Variants in CFAP298 observed in about 807,000 individuals in gnomAD.
CFAP298 encodes the protein cilia and flagella associated protein 298.
Under a neutral mutation model 41.0 loss-of-function variants are expected in CFAP298, and 38 were observed. The observed-to-expected ratio is 0.93, with a 90% CI of 0.72 to 1.22. The LOEUF (loss-of-function observed/expected upper bound fraction) is 1.22. Ranked by LOEUF, CFAP298 falls within the 50% of genes most tolerant of loss-of-function variation. The probability of loss-of-function intolerance (pLI) is 0.00; values close to 1 mark genes in which losing one functional copy is unlikely to be tolerated. For missense variants in CFAP298, 348 were observed against 360.3 expected (o/e 0.97, Z 0.28); for synonymous variants, 137 against 135.3 (o/e 1.01, Z -0.09).
Position 32,603,266 on chromosome 21 carries a change from T to C in CFAP298, c.561A>G (p.Ala187=), listed in dbSNP as rs1408559966. The C allele has an allele frequency of 3.7e-6, 6 of 1,614,202 alleles. No homozygotes were observed. The highest frequency in any genetic ancestry group is 3.4e-6 in the Non-Finnish European group (4 of 1,180,032). The change falls in exon 5 of 7, where the codon GCA becomes GCG. Residue 187 remains alanine (A), a synonymous_variant. Coordinates refer to ENST00000290155, the MANE Select transcript of CFAP298 (RefSeq NM_021254.4). ...TGGCTGCCCACCACAGCTGCGCCTC[T>C]GCCTCTTTAATGACGTTGAGCCCTG... ...TQAGLNVIKE[A]EAQLWWAAKE... is the part of the protein sequence containing the mutation.
chr21:32,603,389 TC>T, intron 4 of CFAP298, 97 bp from the exon 5 acceptor site: 2 of 1,350,676 alleles, frequency 1.5e-6, no homozygotes, highest in Non-Finnish European at 1.0e-6. Context: ...GACAGATTTC[TC>T]CCCGTGCTCA....
chr21:32,602,180 G>T, intron 6 of CFAP298, 92 bp downstream of exon 6: 2 of 1,276,238 alleles, frequency 1.6e-6, no homozygotes, highest in Non-Finnish European at 1.1e-6. Context: ...CCGGCATTCT[G>T]CAGAGCTCAC....
Position 32,601,887 on chromosome 21 carries a change from T to A in CFAP298, c.849A>T (p.Lys283Asn). 5.6e-6 allele frequency: 9 copies of A among 1,610,592 alleles called. No individual in the cohort carries two copies. The highest frequency in any genetic ancestry group is 7.6e-6 in the Non-Finnish European group (9 of 1,176,874). Residue 283 changes from lysine (K) to asparagine (N), a missense_variant, in exon 7 of 7, where the codon AAA becomes AAT. By Grantham distance (94) the Lys-to-Asn change is moderately conservative. Coordinates refer to ENST00000290155, the MANE Select transcript of CFAP298 (RefSeq NM_021254.4). ...TALKRHFHGV[K>N]DIKWRPR ...TTCATCTTGGTCTCCACTTTATGTC[T>A]TTCACTCCATGAAAATGTCTTTTCA... is the stretch of plus-strand genomic sequence containing the variant.
chr21:32,606,857 C>T (rs2038876714), intron 3 of CFAP298, among the ~76,000 whole-genome samples: 3 of 152,204 alleles, frequency 2.0e-5, no homozygotes, highest in Non-Finnish European at 2.9e-5. Flanking sequence ...CCTCCAGATA[C>T]ACATTATCTG....
At chr21:32,610,077 G>A in intron 1 of CFAP298, 72 bp from the exon 2 acceptor site, 1 of 1,370,238 alleles carries the variant, frequency 7.3e-7, no homozygotes, top group Non-Finnish European at 1.0e-6. Context: ...GCTCCAAAGA[G>A]TCAGGGGTCT....
chr21:32,602,706 T>C lies in CFAP298; in HGVS notation c.667-339A>G, dbSNP rs554928373. 9.7e-6 allele frequency: 12 copies of C among 1,240,410 alleles called. No homozygotes were observed. The East Asian group carries it at 5.0e-4, about 52-fold the overall frequency. 76.8% of individuals were successfully genotyped at this position (1,240,410 alleles called of 1,614,324 possible). A position where few individuals can be genotyped will look rare whatever the true frequency, so the allele number is the denominator to read the frequency against. On this transcript the variant is annotated intron_variant, in intron 5 of 6. Transcript: ENST00000290155. ...GGTGGAGGGCCCCATTTCCCCAAAATCACAGCCTAGTGACGTAGGAGCACC... is the reference window on the plus strand; with the variant it reads ...GGTGGAGGGCCCCATTTCCCCAAAACCACAGCCTAGTGACGTAGGAGCACC...
intron 4 of CFAP298, 101 bp from the exon 5 acceptor site, chr21:32,603,393 CG>C: frequency 7.6e-7 from 1 of 1,315,598 alleles, no homozygotes; most frequent in Non-Finnish European, 1.1e-6. Context: ...GATTTCTCCC[CG>C]TGCTCACCAT....
In CFAP298 at chr21:32,612,273, A is replaced by C. The variant is rs1035988588; in HGVS notation, c.-30T>G. The C allele has an allele frequency of 1.1e-5, 16 of 1,450,550 alleles. No individual in the cohort carries two copies. In the African/African-American group the frequency reaches 1.8e-4, roughly 16 times the overall value. 89.9% of individuals were successfully genotyped at this position (1,450,550 alleles called of 1,614,324 possible). ...GTCCCGCCGAGGTACTGAGGCGTTG[A>C]GAAGGCCCCGGCTGCGTGGCCCGCG... On this transcript the variant is annotated 5_prime_UTR_variant, in exon 1 of 7. Coordinates refer to ENST00000290155, the MANE Select transcript of CFAP298 (RefSeq NM_021254.4).
At chr21:32,607,752 G>T (rs1169629410) in intron 2 of CFAP298, 36 bp from the exon 3 acceptor site, 1 of 1,309,670 alleles carries the variant, frequency 7.6e-7, no homozygotes, top group Non-Finnish European at 1.1e-6. Flanking sequence ...AGAAAGAGCT[G>T]TCAAATACAA....
In CFAP298 at chr21:32,601,350, G is replaced by C. The variant is rs1601146204; in HGVS notation, c.*513C>G. 7.1e-6 allele frequency among the ~76,000 whole-genome samples: 1 copy of C among 139,956 alleles called. No homozygotes were observed. Among genetic ancestry groups the C allele is most frequent in the South Asian group, 2.3e-4 (1 of 4,368 alleles). The allele number at this position is 139,956 out of a possible 152,430, so 91.8% of individuals were successfully genotyped here. On this transcript the variant is annotated 3_prime_UTR_variant, in exon 7 of 7. Transcript: ENST00000290155. Reference sequence around the variant, plus strand: ...TTCGCTCTGTTGCCCAGGATAGAGTGCAGTGGCAGTGATCTTGGCTCACTG... The same window carrying C: ...TTCGCTCTGTTGCCCAGGATAGAGTCCAGTGGCAGTGATCTTGGCTCACTG...
intron 3 of CFAP298, 90 bp from the exon 4 acceptor site, chr21:32,604,373 TG>T: frequency 7.0e-7 from 1 of 1,420,932 alleles, no homozygotes; most frequent in Non-Finnish European, 9.9e-7. Flanking sequence ...TGCCAGATAC[TG>T]CCAGAGCAAC....
In CFAP298 at chr21:32,601,798, T is replaced by TTA; in HGVS notation, c.*64_*65insTA. The stretch of plus-strand genomic sequence containing the variant: ...CAGTAAGTGGCCTTTTTTTTTTTTT[T>TTA]AAATTATAATTGCCTAGGAGAAAGG... On this transcript the variant is annotated 3_prime_UTR_variant, in exon 7 of 7. Coordinates refer to ENST00000290155, the MANE Select transcript of CFAP298 (RefSeq NM_021254.4). The TTA allele has an allele frequency of 5.0e-6, 4 of 805,974 alleles. No individual in the cohort carries two copies. Among genetic ancestry groups the TTA allele is most frequent in the Admixed American group, 2.3e-5 (1 of 42,868 alleles). 49.9% of individuals were successfully genotyped at this position (805,974 alleles called of 1,614,324 possible). A position where few individuals can be genotyped will look rare whatever the true frequency, so the allele number is the denominator to read the frequency against.
intron 4 of CFAP298, 30 bp downstream of exon 4, chr21:32,604,095 C>T: frequency 5.0e-6 from 8 of 1,603,776 alleles, no homozygotes; most frequent in Non-Finnish European, 6.8e-6. Flanking sequence ...GGAACTCAAC[C>T]TCCAGAGTAC....
At chr21:32,604,016 A>C in intron 4 of CFAP298, 109 bp downstream of exon 4, 1 of 1,110,624 alleles carries the variant, frequency 9.0e-7, no homozygotes, top group Non-Finnish European at 1.3e-6. Context: ...AGCAAACCTG[A>C]AAGCTGTGTA....
Position 32,600,747 on chromosome 21 carries a change from C to T in CFAP298, c.*1116G>A, listed in dbSNP as rs1004710425. Among the ~76,000 whole-genome samples the T allele has an allele frequency of 2.0e-5, 3 of 152,186 alleles. No homozygotes were observed. The highest frequency in any genetic ancestry group is 2.1e-4 in the South Asian group (1 of 4,828). The stretch of plus-strand genomic sequence containing the variant: ...CATCCCGTGGTTGGTCACTGAGCTG[C>T]GTACGAAGCTGGCCTAGAATCAGAC... On this transcript the variant is annotated 3_prime_UTR_variant, in exon 7 of 7. Coordinates refer to ENST00000290155, the MANE Select transcript of CFAP298 (RefSeq NM_021254.4).
rs774885504 is a variant in CFAP298 at position 32,600,364 on chromosome 21, G to C, written c.*1499C>G. On this transcript the variant is annotated 3_prime_UTR_variant, in exon 7 of 7. Coordinates refer to ENST00000290155, the MANE Select transcript of CFAP298 (RefSeq NM_021254.4). ...GTCTGGGACCCACCCCCTGGGCAAGGCCGCCTGGCAGCAGGCAGGAACCAA... is the reference window on the plus strand; with the variant it reads ...GTCTGGGACCCACCCCCTGGGCAAGCCCGCCTGGCAGCAGGCAGGAACCAA... 2.3e-4 allele frequency among the ~76,000 whole-genome samples: 35 copies of C among 152,224 alleles called. No homozygotes were observed. The highest frequency in any genetic ancestry group is 4.6e-4 in the Non-Finnish European group (31 of 68,036).
chr21:32,612,037 T>G, intron 1 of CFAP298, 68 bp downstream of exon 1: 2 of 1,459,060 alleles, frequency 1.4e-6, no homozygotes, highest in Non-Finnish European at 1.8e-6. Context: ...CGGCCCACCC[T>G]GCCCCTCTTT....
chr21:32,602,045 G>C, intron 6 of CFAP298, 72 bp from the exon 7 acceptor site: 1 of 1,045,862 alleles, frequency 9.6e-7, no homozygotes, highest in South Asian at 1.3e-5. Context: ...ACTGAAGAAA[G>C]AGTCCATGAC....
At chr21:32,606,412 G>T (rs544135605) in intron 3 of CFAP298, among the ~76,000 whole-genome samples, 30 of 152,280 alleles carry the variant, frequency 2.0e-4, no homozygotes, top group Admixed American at 5.9e-4. Context: ...ACAGGCAAAG[G>T]GGAGAAGTGA....
Sources: gnomAD v4.1 joint callset for allele counts (sites outside exome capture counted in the v4.1 genomes callset) on GRCh38, gnomAD v4.1.1 for gene constraint, MANE v1.5 for transcripts, NCBI Gene and HGNC (gene_info 2026-07-23, HGNC 2026-07-21) for gene names.